TAX1BP1: variants seen among roughly 807,000 people sequenced by gnomAD.
TAX1BP1 encodes Tax1 binding protein 1.
A neutral mutation model predicts 97.7 loss-of-function variants in TAX1BP1; 62 were observed. That is an observed-to-expected ratio of 0.63 (90% CI 0.52 to 0.78). TAX1BP1 has a LOEUF of 0.78. Ranked by LOEUF, TAX1BP1 falls within the 30% of genes least tolerant of loss-of-function variation. TAX1BP1 has a pLI of 0.00. For synonymous variants in TAX1BP1, 340 were observed against 304.2 expected (o/e 1.12, Z -1.23); for missense variants, 867 against 916.1 (o/e 0.95, Z 0.69).
At chr7:27,766,403 G>C (rs914528012) in intron 4 of TAX1BP1, among the ~76,000 whole-genome samples, 1 of 107,062 alleles carries the variant, frequency 9.3e-6, no homozygotes, top group Admixed American at 1.3e-4. Context: ...CTGGGCGACA[G>C]AGCGAGACTC....
rs1782626717 is a variant in TAX1BP1 at position 27,829,554 on chromosome 7, CA to C, written c.*726del. ...GTTTTCCTATTAAATGATCTCATAA[CA>C]GGGGTGTTTGTGGCATAAAAATCAT... On this transcript the variant is annotated 3_prime_UTR_variant, in exon 17 of 17. Transcript: ENST00000396319. The C allele has an allele frequency of 6.6e-6, 1 of 152,100 alleles. No homozygotes were observed. Among genetic ancestry groups the C allele is most frequent in the Admixed American group, 6.6e-5 (1 of 15,266 alleles). The allele number at this position is 152,100 out of a possible 1,614,324, so 9.4% of individuals were successfully genotyped here.
At chr7:27,772,506 T>C (rs1402289662) in intron 5 of TAX1BP1, 2 of 152,076 alleles carry the variant, frequency 1.3e-5, no homozygotes, top group African/African-American at 4.8e-5. Context: ...TTCCATTCTT[T>C]TATAAAATAA....
intron 5 of TAX1BP1, among the ~76,000 whole-genome samples, chr7:27,775,567 A>G (rs1191657151): frequency 6.6e-6 from 1 of 151,996 alleles, no homozygotes; most frequent in African/African-American, 2.4e-5. Flanking sequence ...AGGATGAGAC[A>G]CAAGAGAGAT....
intron 15 of TAX1BP1, among the ~76,000 whole-genome samples, chr7:27,826,136 C>T (rs1791170265): frequency 6.6e-6 from 1 of 152,178 alleles, no homozygotes; most frequent in Non-Finnish European, 1.5e-5. Flanking sequence ...GATTCAACTA[C>T]TTTCTCATCT....
At position 27,792,227 on chromosome 7, in the gene TAX1BP1, T is replaced by C; in HGVS notation, c.1260T>C (p.Asp420=). The change falls in exon 9 of 17, where the codon GAT becomes GAC. Residue 420 remains aspartate, a synonymous_variant. Coordinates refer to ENST00000396319, the MANE Select transcript of TAX1BP1 (RefSeq NM_006024.7). ...TTAAACTAAATGCTATGAAAAAAGA[T>C]CAGGTAAAACAAGTTAATTTTGAAT... is the stretch of plus-strand genomic sequence containing the variant. The part of the protein sequence containing the change: ...AELKLNAMKK[D]QDKTDTLEHE... The C allele has an allele frequency of 6.2e-7, 1 of 1,602,570 alleles. No homozygotes were observed. The highest frequency in any genetic ancestry group is 8.5e-7 in the Non-Finnish European group (1 of 1,173,728).
intron 1 of TAX1BP1, among the ~76,000 whole-genome samples, chr7:27,741,149 T>C: frequency 6.6e-6 from 1 of 152,192 alleles, no homozygotes; most frequent in East Asian, 1.9e-4. Flanking sequence ...TATGTTAGGC[T>C]TTAGATGGGA....
intron 5 of TAX1BP1, among the ~76,000 whole-genome samples, chr7:27,774,494 A>G (rs934698360): frequency 2.0e-5 from 3 of 152,126 alleles, no homozygotes; most frequent in Non-Finnish European, 2.9e-5. Context: ...TTATTCATCA[A>G]GTATTTATGG....
Position 27,758,088 on chromosome 7 carries a change from CATT to C in TAX1BP1, c.223_225del (p.Tyr75del). 1 of 1,612,516 alleles carries C rather than the reference CATT, an allele frequency of 6.2e-7. No homozygotes were observed. On this transcript the variant is annotated inframe_deletion, in exon 3 of 17. Transcript: ENST00000396319. ...GTTTTTATGGTCCCCTATGCCTGAA[CATT>C]ATGTGGAAGGATCAACAGTCAATTG...
rs34757943 is a variant in TAX1BP1 at position 27,824,549 on chromosome 7, C to CAAAA, written c.2086-3168_2086-3165dup. Among the ~76,000 whole-genome samples, 110 of 91,532 alleles carry CAAAA rather than the reference C, an allele frequency of 1.2e-3. 1 individual carries two copies. The highest frequency in any genetic ancestry group is 2.6e-3 in the African/African-American group (60 of 23,514). 60.0% of individuals were successfully genotyped at this position (91,532 alleles called of 152,430 possible). A position where few individuals can be genotyped will look rare whatever the true frequency, so the allele number is the denominator to read the frequency against. ...TGGGTGACAGAGCAAGACCTTGTCT[C>CAAAA]AAAAAAAAAAAAAAAAAAAAAAAAT... On this transcript the variant is annotated intron_variant, in intron 15 of 16. Coordinates refer to ENST00000396319, the MANE Select transcript of TAX1BP1 (RefSeq NM_006024.7).
chr7:27,752,488 A>G (rs1255522461), intron 2 of TAX1BP1, among the ~76,000 whole-genome samples: 3 of 152,128 alleles, frequency 2.0e-5, no homozygotes, highest in Non-Finnish European at 4.4e-5. Context: ...TGGGTGTTGG[A>G]AAAGGGTGGG....
chr7:27,786,904 G>A (rs6944913), intron 7 of TAX1BP1, among the ~76,000 whole-genome samples: 117,880 of 152,142 alleles, frequency 0.77, 46,791 homozygotes, highest in African/African-American at 0.95. Context: ...GCAATAGCGA[G>A]AGTCATGGGA....
rs1031396893 is a variant in TAX1BP1, at chr7:27,829,699, G to A, written c.*870G>A. Reference sequence around the variant, plus strand: ...CAAATCAAAGTAATGTGTTTCTTCAGTTATGTCTGTGCTGTATAGAACTGT... The same window carrying A: ...CAAATCAAAGTAATGTGTTTCTTCAATTATGTCTGTGCTGTATAGAACTGT... On this transcript the variant is annotated 3_prime_UTR_variant, in exon 17 of 17. Transcript: ENST00000396319. 3 of 152,078 alleles carry A rather than the reference G, an allele frequency of 2.0e-5. No individual in the cohort carries two copies. Among genetic ancestry groups the A allele is most frequent in the African/African-American group, 7.2e-5 (3 of 41,388 alleles). 9.4% of individuals were successfully genotyped at this position (152,078 alleles called of 1,614,324 possible).
intron 13 of TAX1BP1, among the ~76,000 whole-genome samples, chr7:27,815,733 C>G (rs1244431085): frequency 2.0e-5 from 3 of 151,848 alleles, no homozygotes; most frequent in Non-Finnish European, 2.9e-5. Flanking sequence ...TCACGTTTTT[C>G]TTTTTTTAAG....
At chr7:27,765,808 A>G (rs754049380) in intron 3 of TAX1BP1, 26 bp from the exon 4 acceptor site, 11 of 1,576,438 alleles carry the variant, frequency 7.0e-6, no homozygotes, top group Middle Eastern at 1.7e-4. Context: ...GAAGTTTAAT[A>G]ATTTTGTTTG....
At chr7:27,771,136 T>C (rs1211492116) in intron 5 of TAX1BP1, among the ~76,000 whole-genome samples, 1 of 138,276 alleles carries the variant, frequency 7.2e-6, no homozygotes, top group Non-Finnish European at 1.6e-5. Context: ...TTTTTACTCA[T>C]TTGTTGTAAT....
At chr7:27,749,186 T>C (rs573686045) in intron 2 of TAX1BP1, among the ~76,000 whole-genome samples, 1 of 152,226 alleles carries the variant, frequency 6.6e-6, no homozygotes, top group Non-Finnish European at 1.5e-5. Context: ...GTAAACTCTT[T>C]GATGGCAGGA....
Position 27,787,502 on chromosome 7 carries a change from A to G in TAX1BP1, c.937A>G (p.Ser313Gly), listed in dbSNP as rs755874077. Residue 313 changes from serine to glycine, a missense_variant, in exon 8 of 17, where the codon AGC (serine) becomes GGC (glycine). Coordinates refer to ENST00000396319, the MANE Select transcript of TAX1BP1 (RefSeq NM_006024.7). ...TLKNLDGNKE[S>G]VITHFKEEIG... ...AAAAAATTTAGATGGGAACAAAGAA[A>G]GCGTGATTACTCATTTCAAAGAAGA... 3.1e-6 allele frequency: 5 copies of G among 1,613,680 alleles called. No homozygotes were observed. Among genetic ancestry groups the G allele is most frequent in the African/African-American group, 2.7e-5 (2 of 74,924 alleles).
At position 27,827,722 on chromosome 7, in the gene TAX1BP1, A is replaced by G. The variant is rs1253908084; in HGVS notation, c.2086-16A>G. ...TTTTACTTTTCTTAAAAGTTCCAAA[A>G]TTATTTTTCCCCTAGGAAGATGAGA... On this transcript the variant is annotated splice_polypyrimidine_tract_variant and intron_variant, in intron 15 of 16. Transcript: ENST00000396319. 1 of 1,607,810 alleles carries G rather than the reference A, an allele frequency of 6.2e-7. No individual in the cohort carries two copies. Among genetic ancestry groups the G allele is most frequent in the Non-Finnish European group, 8.5e-7 (1 of 1,176,990 alleles).
chr7:27,827,218 T>G (rs1048820868), intron 15 of TAX1BP1, among the ~76,000 whole-genome samples: 2 of 152,064 alleles, frequency 1.3e-5, no homozygotes, highest in Non-Finnish European at 2.9e-5. Context: ...CTGGGCATGG[T>G]GGTGCACACC....
Sources: allele counts gnomAD v4.1 joint callset (sites outside exome capture counted in the v4.1 genomes callset), GRCh38; gene constraint gnomAD v4.1.1; transcripts MANE v1.5; gene names NCBI Gene and HGNC (gene_info 2026-07-23, HGNC 2026-07-21).